Variants in BCLAF3 observed in about 807,000 individuals in gnomAD.
The protein encoded by BCLAF3 is transient octamer binding factor 1.
A neutral mutation model predicts 51.2 loss-of-function variants in BCLAF3; 24 were observed. That is an observed-to-expected ratio of 0.47 (90% CI 0.34 to 0.66). The LOEUF is 0.66. Among genes scored for constraint, BCLAF3 ranks in the 30% least tolerant of loss-of-function variants. The probability of loss-of-function intolerance (pLI) is 0.01; values close to 1 mark genes in which losing one functional copy is unlikely to be tolerated. For synonymous variants in BCLAF3, 152 were observed against 176.6 expected, an observed-to-expected ratio of 0.86 and a Z score of 1.10; for missense variants, 465 against 525.1, an observed-to-expected ratio of 0.89 and a Z score of 1.12.
chrX:19,950,147 G>A (rs2071433424), intron 8 of BCLAF3, among the ~76,000 whole-genome samples: 1 of 111,849 alleles, frequency 8.9e-6, no homozygotes, highest in Admixed American at 9.5e-5. Flanking sequence ...CAGATGAAGA[G>A]GCTCCAGAGA....
At position 19,945,996 on chromosome X, in the gene BCLAF3, G is replaced by A. The variant is rs745368201; in HGVS notation, c.1745+4757C>T. 2.0e-4 allele frequency among the ~76,000 whole-genome samples: 22 copies of A among 109,390 alleles called. No individual in the cohort carries two copies. The Admixed American group carries it at 2.0e-3, about 10-fold the overall frequency. 95.0% of individuals were successfully genotyped at this position (109,390 alleles called of 115,157 possible). A position where few individuals can be genotyped will look rare whatever the true frequency, so the allele number is the denominator to read the frequency against. On this transcript the variant is annotated intron_variant, in intron 8 of 11. Transcript: ENST00000379682. Reference sequence around the variant, plus strand: ...TCGTGATGCGCCGTTTTTTAAGCCGGTCTGAAAAGCGCAATATTCGGGTGG... The same window carrying A: ...TCGTGATGCGCCGTTTTTTAAGCCGATCTGAAAAGCGCAATATTCGGGTGG...
At chrX:19,950,345 C>T (rs768840772) in intron 8 of BCLAF3, among the ~76,000 whole-genome samples, 1 of 111,787 alleles carries the variant, frequency 8.9e-6, no homozygotes. Flanking sequence ...CACAAAGAGT[C>T]GCAAAAGATA....
chrX:19,943,541 C>A (rs2071126802), intron 8 of BCLAF3, among the ~76,000 whole-genome samples: 2 of 88,584 alleles, frequency 2.3e-5, no homozygotes, highest in African/African-American at 9.3e-5. Context: ...ACCCAGTAGT[C>A]ATTCAGGAGC....
intron 10 of BCLAF3, among the ~76,000 whole-genome samples, chrX:19,930,918 C>T (rs2070527794): frequency 8.9e-6 from 1 of 112,115 alleles, no homozygotes; most frequent in Non-Finnish European, 1.9e-5. Flanking sequence ...TGTTCAGAAC[C>T]TCTAATGAAC....
chrX:19,981,401 G>T (rs1301956602), intron 1 of BCLAF3, among the ~76,000 whole-genome samples: 1 of 111,563 alleles, frequency 9.0e-6, no homozygotes, highest in Non-Finnish European at 1.9e-5. Context: ...AGCAACAAAA[G>T]AAAAAATGGA....
intron 8 of BCLAF3, 118 bp from the exon 9 acceptor site, chrX:19,937,650 A>G: frequency 2.4e-6 from 1 of 422,576 alleles, no homozygotes; most frequent in South Asian, 4.9e-5. Flanking sequence ...ACACAAGTGA[A>G]ATCTCAATGA....
At chrX:19,917,771 C>A (rs2069981833) in intron 11 of BCLAF3, among the ~76,000 whole-genome samples, 1 of 92,641 alleles carries the variant, frequency 1.1e-5, no homozygotes, top group Non-Finnish European at 2.0e-5. Context: ...TTTTAACTGA[C>A]TGATAACTGC....
intron 1 of BCLAF3, among the ~76,000 whole-genome samples, chrX:19,987,410 T>C: frequency 8.9e-6 from 1 of 112,017 alleles, no homozygotes; most frequent in Non-Finnish European, 1.9e-5. Context: ...GTTCAAGCAA[T>C]TCTCATGCCT....
chrX:19,934,547 A>G (rs1006514182), intron 10 of BCLAF3, among the ~76,000 whole-genome samples: 1 of 112,651 alleles, frequency 8.9e-6, no homozygotes, highest in East Asian at 2.8e-4. Context: ...AATGTAATCT[A>G]TTCAATGCCT....
chrX:19,976,713 C>T (rs990858181), intron 1 of BCLAF3, among the ~76,000 whole-genome samples: 4 of 111,700 alleles, frequency 3.6e-5, no homozygotes, highest in East Asian at 2.8e-4. Flanking sequence ...TTCCTACCTG[C>T]GAAAATTTTC....
chrX:19,989,952 T>C (rs1299229132), intron 1 of BCLAF3, among the ~76,000 whole-genome samples: 1 of 111,218 alleles, frequency 9.0e-6, no homozygotes, highest in Non-Finnish European at 1.9e-5. Flanking sequence ...AAAACATTGC[T>C]ATACCATTAC....
At chrX:19,932,646 CT>C (rs2070611856) in intron 10 of BCLAF3, among the ~76,000 whole-genome samples, 1 of 107,880 alleles carries the variant, frequency 9.3e-6, no homozygotes, top group Admixed American at 1.0e-4. Context: ...ATTCTCCTGC[CT>C]CAGCCTCCAG....
rs769026803 is a variant in BCLAF3 at position 19,990,231 on chromosome X, C to G, written c.-35+677G>C. 4.5e-5 allele frequency among the ~76,000 whole-genome samples: 5 copies of G among 111,798 alleles called. No individual in the cohort carries two copies. In the South Asian group the frequency reaches 1.9e-3, roughly 42 times the overall value. ...AAATATTTACGGGGTAGGTTTCTCT[C>G]CCATTTCTTTCCCTCGAGACCTACC... On this transcript the variant is annotated intron_variant, in intron 1 of 11. Transcript: ENST00000379682.
intron 1 of BCLAF3, among the ~76,000 whole-genome samples, chrX:19,984,231 T>C (rs1469962423): frequency 1.8e-5 from 2 of 110,847 alleles, no homozygotes; most frequent in Admixed American, 1.9e-4. Flanking sequence ...AATATATGTA[T>C]TTATATAAAC....
At chrX:19,974,606 G>A (rs765134409) in intron 1 of BCLAF3, among the ~76,000 whole-genome samples, 2 of 111,766 alleles carry the variant, frequency 1.8e-5, no homozygotes, top group African/African-American at 3.3e-5. Flanking sequence ...GGCCAGGCAC[G>A]GCAGCTCATT....
chrX:19,919,382 T>C (rs1216149062), intron 11 of BCLAF3, among the ~76,000 whole-genome samples: 1 of 101,599 alleles, frequency 9.8e-6, no homozygotes, highest in Non-Finnish European at 2.0e-5. Context: ...CCGCCTCTAC[T>C]AAAAATACAA....
At chrX:19,978,006 G>C (rs796359338) in intron 1 of BCLAF3, among the ~76,000 whole-genome samples, 1 of 109,161 alleles carries the variant, frequency 9.2e-6, no homozygotes, top group Non-Finnish European at 1.9e-5. Flanking sequence ...CCAATGTTGA[G>C]ACCTACTGCT....
intron 2 of BCLAF3, among the ~76,000 whole-genome samples, chrX:19,967,391 T>A (rs1241150293): frequency 1.8e-5 from 2 of 111,906 alleles, no homozygotes; most frequent in Non-Finnish European, 3.8e-5. Context: ...GATGTGCTGT[T>A]CGAACAGAGC....
chrX:19,966,772 T>C, intron 2 of BCLAF3, 123 bp from the exon 3 acceptor site: 1 of 549,129 alleles, frequency 1.8e-6, no homozygotes, highest in East Asian at 3.5e-5. Flanking sequence ...ACTAAATTCA[T>C]CAATTTGCTA....
Sources: gnomAD v4.1 joint callset for allele counts (sites outside exome capture counted in the v4.1 genomes callset) on GRCh38, gnomAD v4.1.1 for gene constraint, MANE v1.5 for transcripts, NCBI Gene and HGNC (gene_info 2026-07-23, HGNC 2026-07-21) for gene names.